PTCH1: variants seen among roughly 807,000 people sequenced by gnomAD.
PTCH1 encodes the protein protein patched homolog 1.
A neutral mutation model predicts 144.6 loss-of-function variants in PTCH1; 14 were observed. The ratio of observed to expected loss-of-function variants is 0.10; its 90% CI spans 0.06 to 0.15. The LOEUF is 0.15. PTCH1 is among the 10% of genes least tolerant of loss of function. The pLI is 1.00. For missense variants in PTCH1, 1,623 were observed against 1,948.3 expected (o/e 0.83, Z 3.14); for synonymous variants, 833 against 793.6 (o/e 1.05, Z -0.83).
At chr9:95,450,148 C>T (rs554338410) in intron 20 of PTCH1, 204 of 606,228 alleles carry the variant, frequency 3.4e-4, no homozygotes, top group Non-Finnish European at 5.5e-4. Flanking sequence ...GACTACATTC[C>T]ACAACCCAAA....
At chr9:95,506,815 C>G (rs1469659818) in intron 1 of PTCH1, 7 of 1,125,436 alleles carry the variant, frequency 6.2e-6, no homozygotes, top group Non-Finnish European at 6.7e-6. Context: ...AGCTGCACCT[C>G]GGGGACATCA....
intron 2 of PTCH1, among the ~76,000 whole-genome samples, chr9:95,502,411 A>T (rs758208109): frequency 8.5e-5 from 13 of 152,218 alleles, no homozygotes; most frequent in Non-Finnish European, 1.6e-4. Context: ...AGGTACTGAG[A>T]ACATGTGCAG....
intron 12 of PTCH1, chr9:95,474,189 G>A (rs1052246746): frequency 2.6e-6 from 1 of 385,956 alleles, no homozygotes; most frequent in Non-Finnish European, 5.2e-6. Flanking sequence ...AGAAAAGAAG[G>A]AGTATGAGCA....
At chr9:95,499,859 T>C (rs900432793) in intron 2 of PTCH1, among the ~76,000 whole-genome samples, 5 of 151,802 alleles carry the variant, frequency 3.3e-5, no homozygotes, top group Admixed American at 2.0e-4. Context: ...GCTGGCATGG[T>C]GAGGCAGAAG....
chr9:95,450,782 A>T (rs1449372842), intron 20 of PTCH1: 1 of 152,294 alleles, frequency 6.6e-6, no homozygotes, highest in Admixed American at 6.5e-5. Flanking sequence ...AGAGGAGGAG[A>T]GTGCAGAAGT....
chr9:95,476,983 G>C lies in PTCH1; in HGVS notation c.1504-126C>G. On this transcript the variant is annotated intron_variant, in intron 10 of 23. Coordinates refer to ENST00000331920, the MANE Select transcript of PTCH1 (RefSeq NM_000264.5). The surrounding 1 kb of genome is among the most constrained non-coding windows in gnomAD (Gnocchi z 4.6). ...GAAGCAGGGCTTCCGTAACCTCATGGTGAAGAATTCACTTGACGTCCCAAA... is the reference window on the plus strand; with the variant it reads ...GAAGCAGGGCTTCCGTAACCTCATGCTGAAGAATTCACTTGACGTCCCAAA... 1 of 880,640 alleles carries C rather than the reference G, an allele frequency of 1.1e-6. No homozygotes were observed. The highest frequency in any genetic ancestry group is 2.6e-5 in the East Asian group (1 of 37,984). 54.6% of individuals were successfully genotyped at this position (880,640 alleles called of 1,614,324 possible).
chr9:95,510,014 A>AC (rs1255252208), upstream of PTCH1, among the ~76,000 whole-genome samples: 1 of 151,918 alleles, frequency 6.6e-6, no homozygotes, highest in Non-Finnish European at 1.5e-5. Flanking sequence ...AAAAAAAAAA[A>AC]AACACAGTCT....
intron 17 of PTCH1, 151 bp downstream of exon 17, chr9:95,459,449 C>A: frequency 1.0e-6 from 1 of 993,272 alleles, no homozygotes; most frequent in Non-Finnish European, 1.5e-6. Context: ...ACATCCTCGT[C>A]TCCCAGAGTT....
chr9:95,463,797 G>A (rs1839760360), intron 15 of PTCH1, among the ~76,000 whole-genome samples: 2 of 152,182 alleles, frequency 1.3e-5, no homozygotes, highest in Admixed American at 1.3e-4. Flanking sequence ...CCACCCAGCA[G>A]GTGAGTGTTG....
chr9:95,458,148 G>A lies in PTCH1; in HGVS notation c.3033C>T (p.Asn1011=), dbSNP rs772344953. ...GCTCCCAGAAGAGGAAGGGGTAGCC[G>A]TTGGGGTAACTGGACAGCCCCAGGC... ...YTSLGLSSYP[N]GYPFLFWEQY... is the part of the protein sequence containing the mutation. Residue 1011 remains asparagine (N), a synonymous_variant, in exon 18 of 24, where the codon AAC becomes AAT. Transcript: ENST00000331920. The surrounding 1 kb of genome is among the most constrained non-coding windows in gnomAD (Gnocchi z 4.7). 19 of 1,614,246 alleles carry A rather than the reference G, an allele frequency of 1.2e-5. No individual in the cohort carries two copies. The South Asian group carries it at 1.8e-4, about 15-fold the overall frequency.
rs749377356 is a variant in PTCH1, at chr9:95,459,582, C to T, written c.2887+18G>A. ...CACCTCTGTAAGTTCCCAGACCTCC[C>T]GATAAAACGCTACTTACTTCTCAGC... On this transcript the variant is annotated intron_variant, in intron 17 of 23. Coordinates refer to ENST00000331920, the MANE Select transcript of PTCH1 (RefSeq NM_000264.5). 24 of 1,612,614 alleles carry T rather than the reference C, an allele frequency of 1.5e-5. No individual in the cohort carries two copies. The highest frequency in any genetic ancestry group is 5.3e-5 in the African/African-American group (4 of 74,870).
intron 12 of PTCH1, among the ~76,000 whole-genome samples, chr9:95,470,626 C>T (rs1269588789): frequency 4.6e-5 from 7 of 152,126 alleles, no homozygotes; most frequent in Non-Finnish European, 1.0e-4. Context: ...CTTCTGCTGA[C>T]CTAGTAAAAA....
At chr9:95,453,911 T>C (rs1035829034) in intron 19 of PTCH1, among the ~76,000 whole-genome samples, 3 of 152,070 alleles carry the variant, frequency 2.0e-5, no homozygotes, top group African/African-American at 7.2e-5. Context: ...CACCCCGAAG[T>C]TTCCCCCCTC....
intron 19 of PTCH1, among the ~76,000 whole-genome samples, chr9:95,456,014 A>C (rs1256045569): frequency 2.6e-5 from 4 of 152,202 alleles, no homozygotes; most frequent in Non-Finnish European, 4.4e-5. Flanking sequence ...ACGGCCCTTC[A>C]AGGCCCACTC....
chr9:95,508,206 C>G lies in PTCH1; in HGVS notation c.156G>C (p.Arg52=), dbSNP rs2118907210. The G allele has an allele frequency of 3.1e-6, 5 of 1,612,322 alleles. No individual in the cohort carries two copies. The highest frequency in any genetic ancestry group is 4.2e-6 in the Non-Finnish European group (5 of 1,179,702). The change falls in exon 1 of 24, where the codon CGG becomes CGC. Residue 52 remains arginine, a synonymous_variant. Coordinates refer to ENST00000331920, the MANE Select transcript of PTCH1 (RefSeq NM_000264.5). ...AAAPDRDYLH[R]PSYCDAAFAL... ...CGAAGGCGGCGTCGCAGTAGCTGGGCCGGTGCAGATAGTCCCGGTCCGGCG... is the reference window on the plus strand; with the variant it reads ...CGAAGGCGGCGTCGCAGTAGCTGGGGCGGTGCAGATAGTCCCGGTCCGGCG...
At position 95,447,283 on chromosome 9, in the gene PTCH1, T is replaced by A. The variant is rs2136580359; in HGVS notation, c.3973A>T (p.Ile1325Phe). The A allele has an allele frequency of 6.2e-7, 1 of 1,612,906 alleles. No individual in the cohort carries two copies. The highest frequency in any genetic ancestry group is 8.5e-7 in the Non-Finnish European group (1 of 1,179,900). Residue 1325 changes from isoleucine to phenylalanine, a missense_variant, in exon 23 of 24, where the codon ATT becomes TTT. This residue lies in a region of PTCH1 where 291 missense variants were observed against 287.4 expected (regional missense o/e 1.01). Transcript: ENST00000331920. ...PYRPRRDAFE[I>F]STEGHSGPSN... The stretch of plus-strand genomic sequence containing the variant: ...GGGCCAGAATGCCCTTCAGTAGAAA[T>A]TTCAAAAGCGTCTCTGCGCGGTCTG...
rs779883480 is a variant in PTCH1, at chr9:95,468,967, G to A, written c.2034C>T (p.Thr678=). ...CAGAGATCTCGGAGCGCGGCTCAGC[G>A]GTGGTGTAGTACACGTGCGTGTGGG... ...YDPHTHVYYT[T]AEPRSEISVQ... Residue 678 remains threonine, a synonymous_variant, in exon 14 of 24, where the codon ACC becomes ACT. Coordinates refer to ENST00000331920, the MANE Select transcript of PTCH1 (RefSeq NM_000264.5). 1.5e-5 allele frequency: 25 copies of A among 1,614,024 alleles called. 1 individual carries two copies. The East Asian group carries it at 2.2e-4, about 14-fold the overall frequency.
intron 2 of PTCH1, among the ~76,000 whole-genome samples, chr9:95,491,013 ATAC>A (rs1314091043): frequency 1.3e-5 from 2 of 152,224 alleles, no homozygotes; most frequent in Non-Finnish European, 2.9e-5. Flanking sequence ...TGTATCAATA[ATAC>A]TAATAAACTA....
Position 95,447,259 on chromosome 9 carries a change from G to A in PTCH1, c.3997C>T (p.Pro1333Ser), listed in dbSNP as rs1160872643. Reference protein sequence around the residue: ...FEISTEGHSGPSNRARWGPRG... With the variant: ...FEISTEGHSGSSNRARWGPRG... ...GGGCCCCAGCGGGCCCTATTGCTAG[G>A]GCCAGAATGCCCTTCAGTAGAAATT... is the stretch of plus-strand genomic sequence containing the variant. Residue 1333 changes from proline to serine, a missense_variant, in exon 23 of 24, where the codon CCT becomes TCT. Around this residue, in one of 7 missense-constraint regions of PTCH1, gnomAD observed 291 missense variants for 287.4 expected, o/e 1.01. Transcript: ENST00000331920. 1 of 1,612,970 alleles carries A rather than the reference G, an allele frequency of 6.2e-7. No individual in the cohort carries two copies. Among genetic ancestry groups the A allele is most frequent in the East Asian group, 2.2e-5 (1 of 44,864 alleles).
Sources: allele counts gnomAD v4.1 joint callset (sites outside exome capture counted in the v4.1 genomes callset), GRCh38; gene constraint gnomAD v4.1.1; regional missense constraint gnomAD v4.1.1; non-coding constraint Gnocchi (gnomAD v3.1); transcripts MANE v1.5; gene names NCBI Gene and HGNC (gene_info 2026-07-23, HGNC 2026-07-21).